Variants in GABRA4 observed in about 807,000 individuals in gnomAD.
The protein encoded by GABRA4 is gamma-aminobutyric acid receptor subunit alpha-4.
In GABRA4, 12 loss-of-function variants were observed where a neutral mutation model predicts 49.7. The ratio of observed to expected loss-of-function variants is 0.24; its 90% CI spans 0.15 to 0.39. The LOEUF (loss-of-function observed/expected upper bound fraction) is 0.39. GABRA4 is among the 10% of genes least tolerant of loss of function. The pLI is 1.00. For synonymous variants in GABRA4, 288 were observed against 240.2 expected, an observed-to-expected ratio of 1.20 and a Z score of -1.84; for missense variants, 506 against 686.0, an observed-to-expected ratio of 0.74 and a Z score of 2.93.
rs1723163445 is a variant in GABRA4, at chr4:46,977,119, G to A, written c.519C>T (p.Pro173=). ...CCATGGGAAAATCCACCAATCTCAT[G>A]GGACACTCCGCACTTATGGTGAGTC... ...TMRLTISAEC[P]MRLVDFPMDG... The change falls in exon 5 of 9, where the codon CCC becomes CCT. Residue 173 remains proline (P), a synonymous_variant. Transcript: ENST00000264318. 1.2e-6 allele frequency: 2 copies of A among 1,608,130 alleles called. No individual in the cohort carries two copies. The highest frequency in any genetic ancestry group is 1.7e-6 in the Non-Finnish European group (2 of 1,176,136).
intron 2 of GABRA4, among the ~76,000 whole-genome samples, chr4:46,991,029 T>C (rs904674172): frequency 6.6e-6 from 1 of 151,778 alleles, no homozygotes; most frequent in Admixed American, 6.6e-5. Flanking sequence ...AAAATATATT[T>C]AAAAAAATTA....
chr4:46,930,560 G>A lies in GABRA4; in HGVS notation c.1135-1805C>T, dbSNP rs73813739. On this transcript the variant is annotated intron_variant, in intron 8 of 8. Transcript: ENST00000264318. ...AAAATATATTCAAGAACCAAACTAT[G>A]ACCAAATGCTGAATATCCCAAGAAG... Among the ~76,000 whole-genome samples the A allele has an allele frequency of 1.7e-3, 264 of 151,750 alleles. 2 individuals carry two copies. Among genetic ancestry groups the A allele is most frequent in the African/African-American group, 5.8e-3 (242 of 41,400 alleles).
At chr4:46,985,324 G>C (rs1335102888) in intron 2 of GABRA4, among the ~76,000 whole-genome samples, 1 of 151,980 alleles carries the variant, frequency 6.6e-6, no homozygotes, top group African/African-American at 2.4e-5. Context: ...ATAGGATGGA[G>C]GAGACCACAT....
At chr4:46,982,947 C>A (rs1004851481) in intron 2 of GABRA4, among the ~76,000 whole-genome samples, 6 of 151,896 alleles carry the variant, frequency 4.0e-5, no homozygotes, top group African/African-American at 1.5e-4. Flanking sequence ...TTCCAAAGAA[C>A]AATAAGCGAA....
intron 8 of GABRA4, among the ~76,000 whole-genome samples, chr4:46,955,054 T>C (rs1048603805): frequency 1.3e-5 from 2 of 152,166 alleles, no homozygotes; most frequent in Non-Finnish European, 2.9e-5. Flanking sequence ...TAAATGATGA[T>C]GATGTTGATG....
intron 8 of GABRA4, among the ~76,000 whole-genome samples, chr4:46,950,745 A>AATTAATTAATTAATTAATT (rs1553903651): frequency 3.3e-5 from 5 of 151,224 alleles, no homozygotes; most frequent in South Asian, 4.2e-4. Flanking sequence ...ATAAATAAAT[A>AATTAATTAATTAATTAATT]AATTACTATA....
At position 46,941,962 on chromosome 4, in the gene GABRA4, A is replaced by T. The variant is rs180922787; in HGVS notation, c.1135-13207T>A. ...ATATTAACAACTTAAAAATATTTGC[A>T]CTTACTCAAAATATAGCATGCTAAA... On this transcript the variant is annotated intron_variant, in intron 8 of 8. Coordinates refer to ENST00000264318, the MANE Select transcript of GABRA4 (RefSeq NM_000809.4). 4.0e-4 allele frequency among the ~76,000 whole-genome samples: 61 copies of T among 152,262 alleles called. 1 individual carries two copies. Among genetic ancestry groups the T allele is most frequent in the African/African-American group, 1.3e-3 (56 of 41,570 alleles).
chr4:46,941,544 T>C (rs1326711171), intron 8 of GABRA4, among the ~76,000 whole-genome samples: 1 of 152,150 alleles, frequency 6.6e-6, no homozygotes, highest in African/African-American at 2.4e-5. Context: ...TCATTTAATA[T>C]TCTAACTCAG....
At position 46,926,569 on chromosome 4, in the gene GABRA4, C is replaced by T. The variant is rs932647066; in HGVS notation, c.*1656G>A. 1 of 151,904 alleles carries T rather than the reference C, an allele frequency of 6.6e-6. No individual in the cohort carries two copies. The highest frequency in any genetic ancestry group is 1.5e-5 in the Non-Finnish European group (1 of 67,884). 9.4% of individuals were successfully genotyped at this position (151,904 alleles called of 1,614,324 possible). On this transcript the variant is annotated 3_prime_UTR_variant, in exon 9 of 9. Coordinates refer to ENST00000264318, the MANE Select transcript of GABRA4 (RefSeq NM_000809.4). ...CGATGCCAATTAACTACTATCACTT[C>T]TTTTCTATAAAAACAAAAAGAGAGA...
intron 8 of GABRA4, among the ~76,000 whole-genome samples, chr4:46,961,811 G>A (rs1316391524): frequency 7.9e-5 from 12 of 151,800 alleles, no homozygotes; most frequent in Non-Finnish European, 2.9e-5. Context: ...GAGAAAGAGA[G>A]AGAAGGAGAT....
intron 6 of GABRA4, among the ~76,000 whole-genome samples, chr4:46,973,696 T>G (rs1442432071): frequency 6.6e-6 from 1 of 151,834 alleles, no homozygotes; most frequent in East Asian, 1.9e-4. Context: ...CCTATTCACA[T>G]TCCAAAAGAA....
At chr4:46,972,831 C>G (rs1297988027) in intron 6 of GABRA4, among the ~76,000 whole-genome samples, 2 of 151,590 alleles carry the variant, frequency 1.3e-5, no homozygotes, top group African/African-American at 4.8e-5. Flanking sequence ...ATTCATCATC[C>G]CTTCACAACA....
intron 8 of GABRA4, among the ~76,000 whole-genome samples, chr4:46,945,301 T>C (rs950351846): frequency 4.6e-5 from 7 of 152,004 alleles, no homozygotes; most frequent in Admixed American, 2.0e-4. Context: ...TGCTACTGAG[T>C]TGGAAAGGGT....
chr4:46,965,254 C>T lies in GABRA4; in HGVS notation c.875-25G>A, dbSNP rs1722713810. 5 of 1,396,218 alleles carry T rather than the reference C, an allele frequency of 3.6e-6. No individual in the cohort carries two copies. In the East Asian group the frequency reaches 1.3e-4, roughly 36 times the overall value. The allele number at this position is 1,396,218 out of a possible 1,614,324, so 86.5% of individuals were successfully genotyped here. On this transcript the variant is annotated intron_variant, in intron 7 of 8. Transcript: ENST00000264318. Reference sequence around the variant, plus strand: ...CCTTCAAAGCAAAAGAGCAGAGAGACAAAACACCTTACCATCATTTGTATT... The same window carrying T: ...CCTTCAAAGCAAAAGAGCAGAGAGATAAAACACCTTACCATCATTTGTATT...
chr4:46,941,396 C>T (rs1721784718), intron 8 of GABRA4, among the ~76,000 whole-genome samples: 1 of 151,998 alleles, frequency 6.6e-6, no homozygotes, highest in African/African-American at 2.4e-5. Flanking sequence ...CTTAAGGTTT[C>T]TCCTGAGTAC....
chr4:46,949,013 C>T (rs1031117232), intron 8 of GABRA4, among the ~76,000 whole-genome samples: 3 of 151,952 alleles, frequency 2.0e-5, no homozygotes, highest in Non-Finnish European at 2.9e-5. Flanking sequence ...AGTATTTAAC[C>T]GTCTTACATT....
At chr4:46,947,063 T>C (rs1281260543) in intron 8 of GABRA4, among the ~76,000 whole-genome samples, 1 of 151,890 alleles carries the variant, frequency 6.6e-6, no homozygotes, top group Admixed American at 6.6e-5. Context: ...CTTCCAGGCA[T>C]CCAAGATGAC....
At chr4:46,936,423 A>G (rs1187428183) in intron 8 of GABRA4, among the ~76,000 whole-genome samples, 1 of 151,876 alleles carries the variant, frequency 6.6e-6, no homozygotes. Flanking sequence ...CTAATTTTGT[A>G]TTTTTTAGTA....
At chr4:46,979,154 G>T in intron 2 of GABRA4, 56 bp from the exon 3 acceptor site, 1 of 1,092,114 alleles carries the variant, frequency 9.2e-7, no homozygotes, top group Non-Finnish European at 1.4e-6. Flanking sequence ...TTACAGGCTG[G>T]GAAGGTTAGA....
Sources: allele counts gnomAD v4.1 joint callset (sites outside exome capture counted in the v4.1 genomes callset), GRCh38; gene constraint gnomAD v4.1.1; transcripts MANE v1.5; gene names NCBI Gene and HGNC (gene_info 2026-07-23, HGNC 2026-07-21).